DGKB: variants seen among roughly 807,000 people sequenced by gnomAD.
DGKB encodes 90 kDa diacylglycerol kinase.
Under a neutral mutation model 114.3 loss-of-function variants are expected in DGKB, and 67 were observed. The observed-to-expected ratio is 0.59, with a 90% CI of 0.48 to 0.72. The LOEUF is 0.72. Among genes scored for constraint, DGKB ranks in the 30% least tolerant of loss-of-function variants. DGKB has a pLI of 0.00. For missense variants in DGKB, 907 were observed against 975.2 expected, an observed-to-expected ratio of 0.93 and a Z score of 0.93; for synonymous variants, 398 against 323.1, an observed-to-expected ratio of 1.23 and a Z score of -2.49.
At chr7:14,298,069 T>A (rs940470326) in intron 23 of DGKB, among the ~76,000 whole-genome samples, 1 of 152,122 alleles carries the variant, frequency 6.6e-6, no homozygotes, top group African/African-American at 2.4e-5. Flanking sequence ...TACAAACAAA[T>A]GGAAAAACAT....
chr7:14,237,719 A>G (rs1793017434), intron 23 of DGKB, among the ~76,000 whole-genome samples: 1 of 151,982 alleles, frequency 6.6e-6, no homozygotes, highest in Non-Finnish European at 1.5e-5. Flanking sequence ...ATGCAACAAG[A>G]TGCTAAAATG....
At chr7:14,623,713 C>T (rs1435131817) in intron 14 of DGKB, among the ~76,000 whole-genome samples, 2 of 152,030 alleles carry the variant, frequency 1.3e-5, no homozygotes, top group Admixed American at 6.6e-5. Flanking sequence ...AAGTGATGTG[C>T]TTTCATATAA....
chr7:14,792,385 G>A (rs1425406999), intron 2 of DGKB, among the ~76,000 whole-genome samples: 1 of 152,152 alleles, frequency 6.6e-6, no homozygotes, highest in East Asian at 1.9e-4. Flanking sequence ...GGTAATAGAA[G>A]TAGAAAGGGA....
chr7:14,498,845 C>T (rs1412347081), intron 20 of DGKB, among the ~76,000 whole-genome samples: 1 of 151,664 alleles, frequency 6.6e-6, no homozygotes, highest in Non-Finnish European at 1.5e-5. Context: ...CAATTGCTCA[C>T]ATAAGGGAAA....
At chr7:14,314,608 G>A (rs1195165341) in intron 23 of DGKB, among the ~76,000 whole-genome samples, 2 of 152,144 alleles carry the variant, frequency 1.3e-5, no homozygotes, top group African/African-American at 4.8e-5. Flanking sequence ...AATGAGCAAA[G>A]CCTCCAAGAA....
chr7:14,818,869 G>C (rs977198246), intron 2 of DGKB, among the ~76,000 whole-genome samples: 4 of 152,128 alleles, frequency 2.6e-5, no homozygotes, highest in Non-Finnish European at 2.9e-5. Context: ...ACGATAGAGA[G>C]GATGGTGTTA....
chr7:14,405,429 A>C (rs897857489), intron 21 of DGKB, among the ~76,000 whole-genome samples: 1 of 152,042 alleles, frequency 6.6e-6, no homozygotes, highest in Non-Finnish European at 1.5e-5. Context: ...TCAACTGTTA[A>C]ATTTGGATAA....
At chr7:14,781,636 A>T (rs1301715213) in intron 2 of DGKB, among the ~76,000 whole-genome samples, 1 of 152,278 alleles carries the variant, frequency 6.6e-6, no homozygotes, top group East Asian at 1.9e-4. Flanking sequence ...TTACTCAGAG[A>T]CTTGTTCTTA....
intron 2 of DGKB, among the ~76,000 whole-genome samples, chr7:14,831,745 T>C (rs1423597312): frequency 1.3e-5 from 2 of 152,090 alleles, no homozygotes; most frequent in Non-Finnish European, 2.9e-5. Context: ...TACAGAAATA[T>C]TTCAGACCTT....
At chr7:14,890,283 T>C (rs1459145105) in intron 1 of DGKB, among the ~76,000 whole-genome samples, 1 of 151,550 alleles carries the variant, frequency 6.6e-6, no homozygotes, top group Non-Finnish European at 1.5e-5. Context: ...CCAGGGACAA[T>C]CTCATTTTAT....
chr7:14,390,371 G>A (rs77778829), intron 21 of DGKB, among the ~76,000 whole-genome samples: 4,590 of 152,166 alleles, frequency 0.03, 245 homozygotes, highest in African/African-American at 0.1. Context: ...CTAACAGCTT[G>A]GCAATGCAGT....
At chr7:14,827,689 C>A (rs1023162070) in intron 2 of DGKB, among the ~76,000 whole-genome samples, 1 of 151,894 alleles carries the variant, frequency 6.6e-6, no homozygotes, top group Non-Finnish European at 1.5e-5. Context: ...AATGTGGAGA[C>A]GCCTTATGGA....
intron 5 of DGKB, among the ~76,000 whole-genome samples, chr7:14,724,576 A>C (rs1829738228): frequency 6.6e-6 from 1 of 152,200 alleles, no homozygotes; most frequent in Admixed American, 6.5e-5. Context: ...TACAGGGAGA[A>C]GGACTTAAAG....
intron 23 of DGKB, among the ~76,000 whole-genome samples, chr7:14,211,464 G>A (rs1463888367): frequency 1.7e-5 from 1 of 60,286 alleles, no homozygotes; most frequent in Admixed American, 1.9e-4. Flanking sequence ...CTCATGTTTT[G>A]TGATTTTACT....
At chr7:14,873,332 T>G (rs1159515600) in intron 1 of DGKB, among the ~76,000 whole-genome samples, 1 of 152,078 alleles carries the variant, frequency 6.6e-6, no homozygotes, top group South Asian at 2.1e-4. Flanking sequence ...CAAATAGGCA[T>G]TTTCATATTT....
chr7:14,769,089 G>T (rs1272762832), intron 2 of DGKB, among the ~76,000 whole-genome samples: 1 of 92,704 alleles, frequency 1.1e-5, no homozygotes, highest in Non-Finnish European at 2.0e-5. Flanking sequence ...AAGAAAGAAA[G>T]AAAGAAAGAA....
chr7:14,359,530 A>T (rs1815278016), intron 21 of DGKB, among the ~76,000 whole-genome samples: 1 of 151,248 alleles, frequency 6.6e-6, no homozygotes, highest in Non-Finnish European at 1.5e-5. Context: ...TGAACAGGCA[A>T]CCTACAGAAT....
chr7:14,853,462 A>G (rs1849674441), intron 1 of DGKB, among the ~76,000 whole-genome samples: 1 of 151,824 alleles, frequency 6.6e-6, no homozygotes, highest in Admixed American at 6.6e-5. Context: ...GCTTGATAGA[A>G]TATTAAGTGT....
chr7:14,547,259 G>C (rs1794431163), intron 20 of DGKB, among the ~76,000 whole-genome samples: 1 of 152,002 alleles, frequency 6.6e-6, no homozygotes, highest in Non-Finnish European at 1.5e-5. Context: ...TCCTGTGCCA[G>C]GGATAACTAA....
Sources: allele counts gnomAD v4.1 joint callset (sites outside exome capture counted in the v4.1 genomes callset), GRCh38; gene constraint gnomAD v4.1.1; transcripts MANE v1.5; gene names NCBI Gene and HGNC (gene_info 2026-07-23, HGNC 2026-07-21).